WDR4: variants seen among roughly 807,000 people sequenced by gnomAD.
The protein encoded by WDR4 is tRNA (guanine-N(7)-)-methyltransferase non-catalytic subunit WDR4.
Under a neutral mutation model 48.6 loss-of-function variants are expected in WDR4, and 47 were observed. The ratio of observed to expected loss-of-function variants is 0.97; its 90% CI spans 0.77 to 1.23. The LOEUF (loss-of-function observed/expected upper bound fraction) is 1.23. Ranked by LOEUF, WDR4 falls within the 50% of genes most tolerant of loss-of-function variation. The probability of loss-of-function intolerance (pLI) is 0.00; values close to 1 mark genes in which losing one functional copy is unlikely to be tolerated. For missense variants in WDR4, 606 were observed against 551.6 expected (o/e 1.10, Z -0.99); for synonymous variants, 268 against 230.0 (o/e 1.17, Z -1.49).
In WDR4 at chr21:42,853,660, A is replaced by C; in HGVS notation, c.884T>G (p.Val295Gly). ...QLAFQHQVWD[V>G]AFEETQGLWV... ...CAGCCCCTGGGTCTCCTCGAAAGCC[A>C]CGTCCCACACTTGGTGCTGGAACGC... The change falls in exon 9 of 11, where the codon GTG becomes GGG. Residue 295 changes from valine to glycine, a missense_variant. Physicochemically the swap from Val to Gly is moderately radical, Grantham distance 109 (BLOSUM62 -3). Coordinates refer to ENST00000398208, the MANE Select transcript of WDR4 (RefSeq NM_018669.6). 6.3e-7 allele frequency: 1 copy of C among 1,597,970 alleles called. No homozygotes were observed. Among genetic ancestry groups the C allele is most frequent in the Non-Finnish European group, 8.5e-7 (1 of 1,173,502 alleles).
In WDR4 at chr21:42,862,790, C is replaced by T. The variant is rs866445875; in HGVS notation, c.454-396G>A. Reference sequence around the variant, plus strand: ...TTCCTGTCACACATGTCCCCACACCCATCTGTCACCAAGTCCCAGTGAGGT... The same window carrying T: ...TTCCTGTCACACATGTCCCCACACCTATCTGTCACCAAGTCCCAGTGAGGT... On this transcript the variant is annotated intron_variant, in intron 4 of 10. Transcript: ENST00000398208. The surrounding 1 kb of genome is among the most constrained non-coding windows in gnomAD (Gnocchi z 4.3). Among the ~76,000 whole-genome samples, 2 of 152,216 alleles carry T rather than the reference C, an allele frequency of 1.3e-5. No individual in the cohort carries two copies. Among genetic ancestry groups the T allele is most frequent in the African/African-American group, 4.8e-5 (2 of 41,456 alleles).
chr21:42,879,570 A>AGGCGCAGACGCCGAGAGAT, upstream of WDR4: 1 of 1,557,492 alleles, frequency 6.4e-7, no homozygotes, highest in Non-Finnish European at 8.8e-7. Context: ...CGGTGACGCC[A>AGGCGCAGACGCCGAGAGAT]GGCGCAGACG....
intron 1 of WDR4, among the ~76,000 whole-genome samples, chr21:42,878,119 C>G (rs2058544181): frequency 6.6e-6 from 1 of 151,912 alleles, no homozygotes; most frequent in Non-Finnish European, 1.5e-5. Context: ...ATACAAATTT[C>G]AAAGAGCCAT....
intron 3 of WDR4, among the ~76,000 whole-genome samples, chr21:42,871,049 T>C (rs542618445): frequency 1.4e-4 from 21 of 152,280 alleles, no homozygotes; most frequent in South Asian, 6.2e-4. Flanking sequence ...ACAGAGGTCA[T>C]TGGGATAGCC....
At chr21:42,843,202 A>G (rs190641505) in exon 12 of WDR4, 15 of 152,296 alleles carry the variant, frequency 9.8e-5, no homozygotes, top group African/African-American at 3.4e-4. Flanking sequence ...ACATCCGAAC[A>G]AGCTCATCGT....
In WDR4 at chr21:42,850,505, C is replaced by T. The variant is rs185433501; in HGVS notation, c.1046-263G>A. Among the ~76,000 whole-genome samples the T allele has an allele frequency of 7.2e-5, 11 of 152,328 alleles. 1 individual carries two copies. The highest frequency in any genetic ancestry group is 7.2e-4 in the Admixed American group (11 of 15,308). ...CCAGGGCACCAAGGCTGGGCCTCCA[C>T]CCCGCCAGCACTCTCTGCTTGCACG... On this transcript the variant is annotated intron_variant, in intron 10 of 10. Coordinates refer to ENST00000398208, the MANE Select transcript of WDR4 (RefSeq NM_018669.6).
At position 42,855,693 on chromosome 21, in the gene WDR4, G is replaced by A; in HGVS notation, c.715C>T (p.Gln239Ter). The A allele has an allele frequency of 6.4e-7, 1 of 1,552,538 alleles. No individual in the cohort carries two copies. Among genetic ancestry groups the A allele is most frequent in the Non-Finnish European group, 8.7e-7 (1 of 1,147,188 alleles). ...LASLQELVDP[Q>*]APQKFAASRI... The stretch of plus-strand genomic sequence containing the variant: ...ACAGAAGCAGCTACCTGGGGGGCCT[G>A]GGGGTCCACCAGCTCCTGCAGACTG... Residue 239 changes from glutamine to a stop codon, truncating the protein, a stop_gained, in exon 7 of 11, where the codon CAG becomes TAG. Coordinates refer to ENST00000398208, the MANE Select transcript of WDR4 (RefSeq NM_018669.6). LOFTEE classifies it high-confidence loss of function.
At chr21:42,859,599 C>A in intron 6 of WDR4, 63 bp downstream of exon 6, 5 of 512,812 alleles carry the variant, frequency 9.8e-6, no homozygotes, top group South Asian at 4.8e-5. Context: ...CAGGAGGCGC[C>A]CACCCCACCC....
At chr21:42,850,641 C>T (rs1032186462) in intron 10 of WDR4, among the ~76,000 whole-genome samples, 4 of 152,114 alleles carry the variant, frequency 2.6e-5, no homozygotes, top group Non-Finnish European at 4.4e-5. Context: ...CCTGTCCTGC[C>T]GACAACCCAG....
chr21:42,856,533 A>G (rs767587103), intron 6 of WDR4, among the ~76,000 whole-genome samples: 1 of 152,132 alleles, frequency 6.6e-6, no homozygotes, highest in African/African-American at 2.4e-5. Context: ...GCCTCCGAGT[A>G]GCTGGGACTA....
downstream of WDR4, among the ~76,000 whole-genome samples, chr21:42,848,556 A>G (rs1487707016): frequency 9.1e-5 from 4 of 43,802 alleles, no homozygotes; most frequent in Non-Finnish European, 1.2e-4. Flanking sequence ...CTCACACAGC[A>G]CACGATCACG....
At chr21:42,892,785 G>A in the WDR4 span, among the ~76,000 whole-genome samples, 2 of 152,238 alleles carry the variant, frequency 1.3e-5, no homozygotes, top group African/African-American at 4.8e-5. Context: ...ATGCAGGAGG[G>A]GCAGTGAGCA....
At chr21:42,859,252 AAAAG>A (rs753330800) in intron 6 of WDR4, among the ~76,000 whole-genome samples, 21 of 152,244 alleles carry the variant, frequency 1.4e-4, no homozygotes, top group East Asian at 7.7e-4. Flanking sequence ...ATCTTAAAAA[AAAAG>A]AAAGAAAGAA....
At chr21:42,879,086 C>A (rs1304266967) in intron 1 of WDR4, 154 of 1,166,288 alleles carry the variant, frequency 1.3e-4, no homozygotes, top group Non-Finnish European at 1.6e-4. Context: ...GCTCTACCTA[C>A]CCGGTCCCCG....
chr21:42,873,723 T>A (rs1255490607), intron 2 of WDR4, 32 bp from the exon 3 acceptor site: 1 of 1,603,748 alleles, frequency 6.2e-7, no homozygotes, highest in Admixed American at 1.7e-5. Flanking sequence ...CGGTTAAGCT[T>A]CACCTAAGGA....
intron 3 of WDR4, among the ~76,000 whole-genome samples, chr21:42,870,403 G>T (rs2058346711): frequency 6.6e-6 from 1 of 152,134 alleles, no homozygotes; most frequent in South Asian, 2.1e-4. Context: ...CAGATGAAAT[G>T]AATCACAAAG....
upstream of WDR4, chr21:42,879,712 A>G (rs1188352756): frequency 3.6e-6 from 2 of 557,234 alleles, no homozygotes; most frequent in Non-Finnish European, 6.4e-6. Flanking sequence ...TTGGCAGTTC[A>G]CTCACCAAGG....
rs1601194172 is a variant in WDR4 at position 42,879,144 on chromosome 21, G to C, written c.89+263C>G. The C allele has an allele frequency of 2.9e-5, 36 of 1,263,038 alleles. 1 individual carries two copies. The highest frequency in any genetic ancestry group is 2.6e-4 in the African/African-American group (17 of 64,252). 78.2% of individuals were successfully genotyped at this position (1,263,038 alleles called of 1,614,324 possible). On this transcript the variant is annotated intron_variant, in intron 1 of 10. Transcript: ENST00000398208. ...CGACCCGGCGGCGCTAACCGGGCAA[G>C]AACACCGCAGACCAGCCATCTAGTG...
chr21:42,888,525 A>G, the WDR4 span, among the ~76,000 whole-genome samples: 1 of 151,984 alleles, frequency 6.6e-6, no homozygotes, highest in Admixed American at 6.6e-5. Context: ...GAGCCACTGC[A>G]CTCCAGCCTG....
Sources: allele counts gnomAD v4.1 joint callset (sites outside exome capture counted in the v4.1 genomes callset), GRCh38; gene constraint gnomAD v4.1.1; non-coding constraint Gnocchi (gnomAD v3.1); transcripts MANE v1.5; gene names NCBI Gene and HGNC (gene_info 2026-07-23, HGNC 2026-07-21).